ATP13A5: variants seen among roughly 807,000 people sequenced by gnomAD.
ATP13A5 encodes probable cation-transporting ATPase 13A5.
In ATP13A5, 149 loss-of-function variants were observed where a neutral mutation model predicts 150.2. That is an observed-to-expected ratio of 0.99 (90% confidence interval 0.87 to 1.14). The LOEUF (loss-of-function observed/expected upper bound fraction) is 1.14, where lower values mean the gene tolerates loss of function less well. Among genes scored for constraint, ATP13A5 ranks in the 50% most tolerant of loss-of-function variants. ATP13A5 has a pLI of 0.00. For synonymous variants in ATP13A5, 497 were observed against 522.2 expected, an observed-to-expected ratio of 0.95 and a Z score of 0.66; for missense variants, 1,383 against 1,449.3, an observed-to-expected ratio of 0.95 and a Z score of 0.74.
At position 193,321,952 on chromosome 3, in the gene ATP13A5, A is replaced by G. The variant is rs1030781629; in HGVS notation, c.1759-115T>C. The G allele has an allele frequency of 5.9e-6, 7 of 1,185,648 alleles. No individual in the cohort carries two copies. In the Admixed American group the frequency reaches 1.6e-4, roughly 26 times the overall value. The allele number at this position is 1,185,648 out of a possible 1,614,324, so 73.4% of individuals were successfully genotyped here. Reference sequence around the variant, plus strand: ...GCCCAGAGACATCTTGATGTAGTATATTTGTCACAACATTGATTTTGTGTG... The same window carrying G: ...GCCCAGAGACATCTTGATGTAGTATGTTTGTCACAACATTGATTTTGTGTG... On this transcript the variant is annotated intron_variant, in intron 15 of 29. Coordinates refer to ENST00000342358, the MANE Select transcript of ATP13A5 (RefSeq NM_198505.4).
At chr3:193,369,543 T>A (rs1471436593) in intron 1 of ATP13A5, among the ~76,000 whole-genome samples, 1 of 152,146 alleles carries the variant, frequency 6.6e-6, no homozygotes, top group Non-Finnish European at 1.5e-5. Context: ...TCAGAGTCAC[T>A]CAGATTTTTT....
At chr3:193,288,315 G>T (rs1034915751) in intron 26 of ATP13A5, among the ~76,000 whole-genome samples, 1 of 152,140 alleles carries the variant, frequency 6.6e-6, no homozygotes, top group African/African-American at 2.4e-5. Flanking sequence ...TTGCTACAGA[G>T]AAATATCTCA....
In ATP13A5 at chr3:193,326,990, G is replaced by A. The variant is rs1317656073; in HGVS notation, c.1523+6C>T. 1 of 1,613,170 alleles carries A rather than the reference G, an allele frequency of 6.2e-7. No homozygotes were observed. Among genetic ancestry groups the A allele is most frequent in the South Asian group, 1.1e-5 (1 of 91,014 alleles). On this transcript the variant is annotated splice_donor_region_variant and intron_variant, in intron 13 of 29. Transcript: ENST00000342358. ...CACACCTTCCATTTTCACATAAGAG[G>A]CCTACCAGTTGTCAGCAGTAGGGAC...
chr3:193,334,738 T>C (rs1711779386), intron 10 of ATP13A5, among the ~76,000 whole-genome samples, 191 bp downstream of exon 10: 1 of 152,190 alleles, frequency 6.6e-6, no homozygotes, highest in Admixed American at 6.5e-5. Flanking sequence ...CTTCATCACA[T>C]AGAAGGGTTT....
Position 193,314,101 on chromosome 3 carries a change from C to T in ATP13A5, c.2251G>A (p.Glu751Lys). ...GTCACAGAGGCAGGAACAAATTCTT[C>T]TGGTTCATCGGCCTCAACAATGATC... ...QVIIVEADEP[E>K]EFVPASVTWQ... Residue 751 changes from glutamate (E) to lysine (K), a missense_variant, in exon 19 of 30, where the codon GAA (glutamate) becomes AAA (lysine). By Grantham distance (56) the Glu-to-Lys change is moderately conservative. Around this residue, in one of 3 missense-constraint regions of ATP13A5, gnomAD observed 568 missense variants for 621.5 expected, o/e 0.91. Transcript: ENST00000342358. The T allele has an allele frequency of 6.2e-7, 1 of 1,613,946 alleles. No homozygotes were observed. The highest frequency in any genetic ancestry group is 8.5e-7 in the Non-Finnish European group (1 of 1,179,894).
At chr3:193,276,378 G>C (rs897354384) in intron 29 of ATP13A5, among the ~76,000 whole-genome samples, 1 of 152,150 alleles carries the variant, frequency 6.6e-6, no homozygotes, top group Non-Finnish European at 1.5e-5. Context: ...TGGAAACCCT[G>C]CGGAAGGCAG....
chr3:193,282,314 G>A lies in ATP13A5; in HGVS notation c.3226+2600C>T, dbSNP rs1323226140. Among the ~76,000 whole-genome samples the A allele has an allele frequency of 5.9e-5, 9 of 151,964 alleles. No homozygotes were observed. In the South Asian group the frequency reaches 6.2e-4, roughly 11 times the overall value. On this transcript the variant is annotated intron_variant, in intron 27 of 29. Transcript: ENST00000342358. ...ATTTCCTGTGTATTAGTAATAATTCGTTAATAAATATAATGGGAAAGTCAT... is the reference window on the plus strand; with the variant it reads ...ATTTCCTGTGTATTAGTAATAATTCATTAATAAATATAATGGGAAAGTCAT...
In ATP13A5 at chr3:193,362,368, T is replaced by A; in HGVS notation, c.536+13A>T. 1 of 1,610,550 alleles carries A rather than the reference T, an allele frequency of 6.2e-7. No homozygotes were observed. Among genetic ancestry groups the A allele is most frequent in the Non-Finnish European group, 8.5e-7 (1 of 1,176,842 alleles). On this transcript the variant is annotated intron_variant, in intron 5 of 29. Coordinates refer to ENST00000342358, the MANE Select transcript of ATP13A5 (RefSeq NM_198505.4). ...TGGCAGAGTTTACTCTTAAGGCATA[T>A]AATAAGTCCTACCTGACCTCTTGCT...
chr3:193,336,191 T>A (rs1711851908), intron 9 of ATP13A5, among the ~76,000 whole-genome samples: 1 of 152,144 alleles, frequency 6.6e-6, no homozygotes, highest in Admixed American at 6.6e-5. Context: ...ATTTGTATAC[T>A]CTTCATTTTC....
intron 21 of ATP13A5, among the ~76,000 whole-genome samples, 155 bp downstream of exon 21, chr3:193,310,483 C>A (rs1242312023): frequency 6.6e-6 from 1 of 152,160 alleles, no homozygotes; most frequent in African/African-American, 2.4e-5. Flanking sequence ...ACACTCCCAC[C>A]AATAGTGTAT....
At chr3:193,335,122 G>C (rs778020719) in intron 9 of ATP13A5, 23 bp from the exon 10 acceptor site, 2 of 1,611,156 alleles carry the variant, frequency 1.2e-6, no homozygotes, top group Non-Finnish European at 1.7e-6. Context: ...GTATTTTGTT[G>C]AATCTATGTA....
chr3:193,349,390 G>A lies in ATP13A5; in HGVS notation c.741+1677C>T, dbSNP rs116615119. ...ACCTGAATGTTTAAATTCCAGTAAG[G>A]ATTTTTAAATAGGCAAATTACAAGT... On this transcript the variant is annotated intron_variant, in intron 7 of 29. Coordinates refer to ENST00000342358, the MANE Select transcript of ATP13A5 (RefSeq NM_198505.4). 3.4e-3 allele frequency among the ~76,000 whole-genome samples: 514 copies of A among 152,234 alleles called. 2 individuals are homozygous for A. The highest frequency in any genetic ancestry group is 0.012 in the African/African-American group (497 of 41,548).
intron 28 of ATP13A5, among the ~76,000 whole-genome samples, chr3:193,278,601 T>C (rs1717332617): frequency 1.3e-5 from 2 of 152,200 alleles, no homozygotes; most frequent in Admixed American, 6.5e-5. Context: ...GGAATATCCC[T>C]ACCTCCTACC....
intron 5 of ATP13A5, among the ~76,000 whole-genome samples, chr3:193,360,979 G>A (rs1186088330): frequency 1.3e-5 from 2 of 152,124 alleles, no homozygotes; most frequent in Non-Finnish European, 2.9e-5. Flanking sequence ...GCCCAGTCAT[G>A]GATCAGATTT....
intron 1 of ATP13A5, among the ~76,000 whole-genome samples, chr3:193,375,441 TC>T: frequency 6.6e-6 from 1 of 152,204 alleles, no homozygotes; most frequent in African/African-American, 2.4e-5. Flanking sequence ...AAGCTATGGG[TC>T]CTGAGACCTC....
chr3:193,333,899 T>C lies in ATP13A5; in HGVS notation c.1123A>G (p.Thr375Ala), dbSNP rs1287994841. The C allele has an allele frequency of 1.2e-6, 2 of 1,612,802 alleles. No individual in the cohort carries two copies. The highest frequency in any genetic ancestry group is 3.3e-5 in the Admixed American group (2 of 59,816). ...GATCTCACTAAGTCCCCTTTGGCTG[T>C]ATTGTAACCTACATAAAGATAATCA... ...RAVVLQTGYN[T>A]AKGDLVRSIL... Residue 375 changes from threonine (T) to alanine (A), a missense_variant, in exon 11 of 30, where the codon ACA becomes GCA. By Grantham distance (58) the Thr-to-Ala change is moderately conservative (BLOSUM62 0). This residue lies in a region of ATP13A5 where 787 missense variants were observed against 771.9 expected (regional missense o/e 1.02). Coordinates refer to ENST00000342358, the MANE Select transcript of ATP13A5 (RefSeq NM_198505.4).
chr3:193,278,028 T>G (rs1717304025), intron 28 of ATP13A5, among the ~76,000 whole-genome samples: 1 of 152,148 alleles, frequency 6.6e-6, no homozygotes, highest in African/African-American at 2.4e-5. Context: ...GGTCTTGAAC[T>G]CCTGACCTCA....
At chr3:193,374,640 G>A (rs978582530) in intron 1 of ATP13A5, among the ~76,000 whole-genome samples, 23 of 93,226 alleles carry the variant, frequency 2.5e-4, no homozygotes, top group Admixed American at 2.2e-4. Context: ...GTAAGACCAT[G>A]ACACACACAC....
intron 13 of ATP13A5, among the ~76,000 whole-genome samples, chr3:193,326,500 A>G (rs1043013552): frequency 3.9e-5 from 6 of 152,150 alleles, no homozygotes; most frequent in African/African-American, 1.4e-4. Flanking sequence ...TTTACCCACC[A>G]TGTAATTATA....
Sources: allele counts gnomAD v4.1 joint callset (sites outside exome capture counted in the v4.1 genomes callset), GRCh38; gene constraint gnomAD v4.1.1; regional missense constraint gnomAD v4.1.1; transcripts MANE v1.5; gene names NCBI Gene and HGNC (gene_info 2026-07-23, HGNC 2026-07-21).